The following LHFPL2 variants were observed in gnomAD, a reference collection of about 807,000 sequenced individuals.
LHFPL2 encodes the protein LHFPL tetraspan subfamily member 2, also known as LHFPL tetraspan subfamily member 2 protein.
In LHFPL2, 7 loss-of-function variants were observed where a neutral mutation model predicts 17.5. The observed-to-expected ratio is 0.40, with a 90% CI of 0.23 to 0.75. The LOEUF is 0.75. LHFPL2 is among the 30% of genes least tolerant of loss of function. The pLI is 0.37. For missense variants in LHFPL2, 241 were observed against 294.8 expected, an observed-to-expected ratio of 0.82 and a Z score of 1.34; for synonymous variants, 134 against 116.2, an observed-to-expected ratio of 1.15 and a Z score of -0.99.
At chr5:78,540,003 C>CTTT (rs1488130520) in intron 3 of LHFPL2, among the ~76,000 whole-genome samples, 1 of 152,206 alleles carries the variant, frequency 6.6e-6, no homozygotes, top group Non-Finnish European at 1.5e-5. Context: ...GTATGAGTCT[C>CTTT]TACAAGAATT....
At chr5:78,511,777 C>A (rs1409077168) in intron 3 of LHFPL2, among the ~76,000 whole-genome samples, 2 of 152,182 alleles carry the variant, frequency 1.3e-5, no homozygotes, top group Non-Finnish European at 2.9e-5. Flanking sequence ...ATTTTAAAAT[C>A]CTCATATCAT....
intron 2 of LHFPL2, among the ~76,000 whole-genome samples, chr5:78,567,972 T>A (rs1756900995): frequency 6.7e-6 from 1 of 148,782 alleles, no homozygotes; most frequent in South Asian, 2.2e-4. Context: ...GATACTATAA[T>A]CAACGTGTAA....
chr5:78,639,562 G>C (rs76346748), intron 1 of LHFPL2, among the ~76,000 whole-genome samples: 142 of 152,120 alleles, frequency 9.3e-4, no homozygotes, highest in African/African-American at 3.3e-3. Flanking sequence ...AGGAGCAAAT[G>C]AAAGAGTATC....
intron 2 of LHFPL2, among the ~76,000 whole-genome samples, chr5:78,622,324 C>T (rs1351535830): frequency 6.6e-6 from 1 of 152,230 alleles, no homozygotes; most frequent in Admixed American, 6.5e-5. Flanking sequence ...AGCAGACTCC[C>T]TCCTATTACG....
intron 3 of LHFPL2, among the ~76,000 whole-genome samples, chr5:78,561,876 T>TA (rs1756737832): frequency 6.6e-6 from 1 of 152,116 alleles, no homozygotes; most frequent in African/African-American, 2.4e-5. Context: ...TCTGGATTAT[T>TA]AAAAAGCATG....
chr5:78,575,499 A>G (rs1461215829), intron 2 of LHFPL2, among the ~76,000 whole-genome samples: 1 of 152,156 alleles, frequency 6.6e-6, no homozygotes, highest in African/African-American at 2.4e-5. Context: ...CAGTGAGCCA[A>G]GATTGCGCCA....
At chr5:78,632,424 C>T (rs1028190508) in intron 1 of LHFPL2, 56 bp from the exon 2 acceptor site, 4 of 152,168 alleles carry the variant, frequency 2.6e-5, no homozygotes, top group East Asian at 1.9e-4. Context: ...GCCAGTCTTT[C>T]GATGGTTCCA....
chr5:78,622,092 C>T (rs762798136), intron 2 of LHFPL2, among the ~76,000 whole-genome samples: 1 of 152,058 alleles, frequency 6.6e-6, no homozygotes, highest in Non-Finnish European at 1.5e-5. Flanking sequence ...CATAGGAAGC[C>T]CCGGTAAATG....
rs1757063659 is a variant in LHFPL2, at chr5:78,573,856, T to C, written c.-244-8985A>G. On this transcript the variant is annotated intron_variant, in intron 2 of 4. Coordinates refer to ENST00000380345, the MANE Select transcript of LHFPL2 (RefSeq NM_005779.3). ...GATGGCTACCATGGGGGTAGGTTTG[T>C]GCATAGATTAAGAAGTGTGTAAGTT... Among the ~76,000 whole-genome samples the C allele has an allele frequency of 2.0e-5, 3 of 152,234 alleles. No homozygotes were observed. In the South Asian group the frequency reaches 6.2e-4, roughly 31 times the overall value.
chr5:78,533,075 G>A (rs970790832), intron 3 of LHFPL2, among the ~76,000 whole-genome samples: 14 of 152,036 alleles, frequency 9.2e-5, no homozygotes, highest in South Asian at 2.1e-4. Context: ...CGATGTGGCC[G>A]AGTAGACCAA....
At chr5:78,536,452 C>T (rs1457495370) in intron 3 of LHFPL2, among the ~76,000 whole-genome samples, 2 of 152,212 alleles carry the variant, frequency 1.3e-5, no homozygotes, top group Admixed American at 1.3e-4. Context: ...AATTTGTTCT[C>T]CAAGAGACCA....
chr5:78,501,324 C>T (rs1030392840), intron 4 of LHFPL2, among the ~76,000 whole-genome samples: 1 of 152,174 alleles, frequency 6.6e-6, no homozygotes, highest in Non-Finnish European at 1.5e-5. Flanking sequence ...AATGTTACCA[C>T]ACTTACTAAA....
chr5:78,518,746 G>A (rs1755361388), intron 3 of LHFPL2, among the ~76,000 whole-genome samples: 1 of 131,226 alleles, frequency 7.6e-6, no homozygotes, highest in South Asian at 2.6e-4. Flanking sequence ...GTTCAAGATG[G>A]TCACAGAAAA....
chr5:78,602,547 ACAAACACCTCC>A (rs1384180636), intron 2 of LHFPL2, among the ~76,000 whole-genome samples: 1 of 152,214 alleles, frequency 6.6e-6, no homozygotes, highest in East Asian at 1.9e-4. Flanking sequence ...TTCTTTAAGA[ACAAACACCTCC>A]CATAGGGGAG....
intron 3 of LHFPL2, among the ~76,000 whole-genome samples, chr5:78,517,048 C>A (rs555699611): frequency 6.6e-6 from 1 of 152,292 alleles, no homozygotes; most frequent in Non-Finnish European, 1.5e-5. Flanking sequence ...GCTGGTCACT[C>A]AGGAGGTACT....
intron 4 of LHFPL2, among the ~76,000 whole-genome samples, chr5:78,505,339 T>C (rs1343658451): frequency 5.9e-5 from 9 of 152,142 alleles, no homozygotes; most frequent in African/African-American, 2.2e-4. Flanking sequence ...AGTTCTCACC[T>C]CATGAAGACT....
At chr5:78,614,970 T>A (rs530864742) in intron 2 of LHFPL2, among the ~76,000 whole-genome samples, 117 of 152,348 alleles carry the variant, frequency 7.7e-4, no homozygotes, top group African/African-American at 2.5e-3. Flanking sequence ...AAGCCTGGGC[T>A]TTTTACTACT....
intron 2 of LHFPL2, among the ~76,000 whole-genome samples, chr5:78,580,890 A>G (rs956282978): frequency 6.6e-6 from 1 of 152,162 alleles, no homozygotes; most frequent in Non-Finnish European, 1.5e-5. Context: ...GAAGAAAGTC[A>G]TTGGTAGCTT....
intron 4 of LHFPL2, among the ~76,000 whole-genome samples, chr5:78,507,497 C>G (rs1754966807): frequency 6.6e-6 from 1 of 152,178 alleles, no homozygotes; most frequent in Non-Finnish European, 1.5e-5. Context: ...ATGGAATTCA[C>G]TCAACTAACG....
Sources: allele counts gnomAD v4.1 joint callset (sites outside exome capture counted in the v4.1 genomes callset), GRCh38; gene constraint gnomAD v4.1.1; transcripts MANE v1.5; gene names NCBI Gene and HGNC (gene_info 2026-07-23, HGNC 2026-07-21).